Variants in KIFAP3 observed in about 807,000 individuals in gnomAD.
The protein encoded by KIFAP3 is kinesin-associated protein 3.
KIFAP3 carries 68 observed loss-of-function variants against 106.5 expected under a neutral mutation model. The ratio of observed to expected loss-of-function variants is 0.64; its 90% CI spans 0.53 to 0.78. The LOEUF (loss-of-function observed/expected upper bound fraction) is 0.78, where lower values mean the gene tolerates loss of function less well. Among genes scored for constraint, KIFAP3 ranks in the 30% least tolerant of loss-of-function variants. The probability of loss-of-function intolerance (pLI) is 0.00; values close to 1 mark genes in which losing one functional copy is unlikely to be tolerated. For missense variants in KIFAP3, 780 were observed against 941.8 expected, an observed-to-expected ratio of 0.83 and a Z score of 2.25; for synonymous variants, 320 against 311.5, an observed-to-expected ratio of 1.03 and a Z score of -0.29.
intron 15 of KIFAP3, 34 bp downstream of exon 15, chr1:169,981,938 G>T: frequency 5.2e-6 from 8 of 1,524,852 alleles, no homozygotes; most frequent in Non-Finnish European, 7.2e-6. Flanking sequence ...AAGCTGTTTA[G>T]ACATTAACAT....
intron 19 of KIFAP3, among the ~76,000 whole-genome samples, chr1:169,936,454 T>C (rs560665858): frequency 2.6e-5 from 4 of 151,980 alleles, no homozygotes; most frequent in Admixed American, 1.3e-4. Context: ...AAACTACTTA[T>C]TGTTTTAAAG....
At chr1:169,925,037 T>A (rs1663058255) in intron 19 of KIFAP3, among the ~76,000 whole-genome samples, 1 of 152,208 alleles carries the variant, frequency 6.6e-6, no homozygotes. Context: ...TTTGAATATG[T>A]GGCTATTTAT....
In KIFAP3 at chr1:170,058,557, T is replaced by C. The variant is rs576602244; in HGVS notation, c.33-3121A>G. The stretch of plus-strand genomic sequence containing the variant: ...CAATAGGCTGCTTAATGGGGAACTC[T>C]ATTCACTGCTCATATGTCTCATACA... On this transcript the variant is annotated intron_variant, in intron 1 of 19. Transcript: ENST00000361580. Among the ~76,000 whole-genome samples, 37 of 152,180 alleles carry C rather than the reference T, an allele frequency of 2.4e-4. 1 individual carries two copies. The highest frequency in any genetic ancestry group is 4.9e-4 in the Non-Finnish European group (33 of 68,010).
chr1:170,019,991 C>T (rs1668725448), intron 9 of KIFAP3, among the ~76,000 whole-genome samples: 1 of 152,178 alleles, frequency 6.6e-6, no homozygotes, highest in Non-Finnish European at 1.5e-5. Context: ...AGTCACAGGA[C>T]ATAAGGTCAA....
Position 170,031,908 on chromosome 1 carries a change from T to A in KIFAP3, c.819A>T (p.Val273=). The part of the protein sequence containing the change: ...KTFKKYQGLV[V]KQEQLLRVAL... Reference sequence around the variant, plus strand: ...TACCTCGTAATAGCTGTTCCTGTTTTACCACAAGCCCCTGGTACTTTTTAA... The same window carrying A: ...TACCTCGTAATAGCTGTTCCTGTTTAACCACAAGCCCCTGGTACTTTTTAA... The change falls in exon 8 of 20, where the codon GTA becomes GTT. Residue 273 remains valine (V), a synonymous_variant. Coordinates refer to ENST00000361580, the MANE Select transcript of KIFAP3 (RefSeq NM_014970.4). 1 of 1,610,196 alleles carries A rather than the reference T, an allele frequency of 6.2e-7. No individual in the cohort carries two copies. The highest frequency in any genetic ancestry group is 8.5e-7 in the Non-Finnish European group (1 of 1,177,172).
At chr1:170,018,488 T>C (rs1354690359) in intron 9 of KIFAP3, among the ~76,000 whole-genome samples, 1 of 151,838 alleles carries the variant, frequency 6.6e-6, no homozygotes, top group African/African-American at 2.4e-5. Flanking sequence ...GTCTTTTAGT[T>C]ACAAAGCAAT....
intron 9 of KIFAP3, 72 bp downstream of exon 9, chr1:170,024,346 A>T: frequency 1.0e-6 from 1 of 974,000 alleles, no homozygotes; most frequent in Non-Finnish European, 1.5e-6. Flanking sequence ...TAAAGTGTTT[A>T]ATTTTTTTCA....
chr1:169,972,412 G>A, intron 17 of KIFAP3, 101 bp downstream of exon 17: 1 of 636,154 alleles, frequency 1.6e-6, no homozygotes. Flanking sequence ...AAAATACAAA[G>A]TTGGGTTTAC....
intron 10 of KIFAP3, among the ~76,000 whole-genome samples, chr1:170,015,462 T>A (rs1668453855): frequency 6.6e-6 from 1 of 152,202 alleles, no homozygotes; most frequent in African/African-American, 2.4e-5. Flanking sequence ...TGCTCCTTAA[T>A]AGAGTAACTT....
At chr1:169,956,891 C>T (rs1201171216) in intron 18 of KIFAP3, among the ~76,000 whole-genome samples, 2 of 152,080 alleles carry the variant, frequency 1.3e-5, no homozygotes, top group Admixed American at 1.3e-4. Context: ...AGCTACAGTG[C>T]CCAACTTCAT....
chr1:170,079,178 T>C (rs534951048), upstream of KIFAP3, among the ~76,000 whole-genome samples: 10 of 152,246 alleles, frequency 6.6e-5, no homozygotes, highest in African/African-American at 9.6e-5. Context: ...TCTTGCTCTA[T>C]TAGTTCCTGT....
At chr1:170,028,278 T>C (rs770585769) in intron 8 of KIFAP3, among the ~76,000 whole-genome samples, 10 of 152,106 alleles carry the variant, frequency 6.6e-5, no homozygotes, top group Non-Finnish European at 1.3e-4. Context: ...ATTAAATATA[T>C]CTTTAAAATA....
intron 2 of KIFAP3, among the ~76,000 whole-genome samples, chr1:170,051,899 T>A (rs891180349): frequency 6.6e-6 from 1 of 152,122 alleles, no homozygotes; most frequent in Non-Finnish European, 1.5e-5. Flanking sequence ...GGTGGAAAGA[T>A]CTGAAACTGA....
At position 169,960,074 on chromosome 1, in the gene KIFAP3, C is replaced by G. The variant is rs183660450; in HGVS notation, c.2173+972G>C. 2.6e-3 allele frequency among the ~76,000 whole-genome samples: 390 copies of G among 152,028 alleles called. 1 individual carries two copies. Among genetic ancestry groups the G allele is most frequent in the Middle Eastern group, 0.01 (3 of 294 alleles). On this transcript the variant is annotated intron_variant, in intron 18 of 19. Transcript: ENST00000361580. ...TTTGCACAATACACAATTAAGAAAACACATGAATGAAAGTGTGAGTGGTAT... is the reference window on the plus strand; with the variant it reads ...TTTGCACAATACACAATTAAGAAAAGACATGAATGAAAGTGTGAGTGGTAT...
chr1:169,954,715 A>G (rs1664916571), intron 18 of KIFAP3, among the ~76,000 whole-genome samples: 1 of 152,206 alleles, frequency 6.6e-6, no homozygotes, highest in African/African-American at 2.4e-5. Context: ...AAAAGGATAT[A>G]CTATACAGAA....
At chr1:170,061,906 C>T (rs940583672) in intron 1 of KIFAP3, among the ~76,000 whole-genome samples, 6 of 152,058 alleles carry the variant, frequency 3.9e-5, no homozygotes, top group Admixed American at 2.6e-4. Context: ...AGCAAACTGT[C>T]GCAAGGACAG....
At position 169,925,270 on chromosome 1, in the gene KIFAP3, G is replaced by A. The variant is rs149434936; in HGVS notation, c.2274-3489C>T. Reference sequence around the variant, plus strand: ...TTTGGACCTTTGAATCACCAAAATAGTGTCTCTTCCTGAAAATACATAATT... The same window carrying A: ...TTTGGACCTTTGAATCACCAAAATAATGTCTCTTCCTGAAAATACATAATT... On this transcript the variant is annotated intron_variant, in intron 19 of 19. Transcript: ENST00000361580. Among the ~76,000 whole-genome samples the A allele has an allele frequency of 3.9e-4, 59 of 152,068 alleles. No individual in the cohort carries two copies. In the East Asian group the frequency reaches 0.01, roughly 26 times the overall value.
Position 170,025,327 on chromosome 1 carries a change from A to G in KIFAP3, c.842-731T>C, listed in dbSNP as rs1038981748. On this transcript the variant is annotated intron_variant, in intron 8 of 19. Transcript: ENST00000361580. ...TTCCATTTTTCCTTGATTGACAGTG[A>G]GCTTCAGAGTTCAATTTCTGTAAGA... Among the ~76,000 whole-genome samples the G allele has an allele frequency of 5.9e-5, 9 of 152,202 alleles. No homozygotes were observed. In the East Asian group the frequency reaches 1.7e-3, roughly 29 times the overall value.
At chr1:169,924,074 C>T (rs1409368675) in intron 19 of KIFAP3, among the ~76,000 whole-genome samples, 1 of 152,112 alleles carries the variant, frequency 6.6e-6, no homozygotes, top group Non-Finnish European at 1.5e-5. Context: ...AAATAATAAA[C>T]TTAGATATTA....
Sources: allele counts gnomAD v4.1 joint callset (sites outside exome capture counted in the v4.1 genomes callset), GRCh38; gene constraint gnomAD v4.1.1; transcripts MANE v1.5; gene names NCBI Gene and HGNC (gene_info 2026-07-23, HGNC 2026-07-21).